Variants in MS4A15 observed in about 807,000 individuals in gnomAD.
The protein encoded by MS4A15 is membrane-spanning 4-domains subfamily A member 15.
A neutral mutation model predicts 20.6 loss-of-function variants in MS4A15; 22 were observed. The observed-to-expected ratio is 1.07, with a 90% CI of 0.76 to 1.52. The LOEUF is 1.52. Among genes scored for constraint, MS4A15 ranks in the 40% most tolerant of loss-of-function variants. The pLI, the probability that MS4A15 is intolerant of heterozygous loss-of-function variation, is 0.00. For synonymous variants in MS4A15, 129 were observed against 129.3 expected, an observed-to-expected ratio of 1.00 and a Z score of 0.02; for missense variants, 312 against 323.0, an observed-to-expected ratio of 0.97 and a Z score of 0.26.
chr11:60,760,342 C>G (rs1420233859), intron 1 of MS4A15, among the ~76,000 whole-genome samples: 1 of 152,196 alleles, frequency 6.6e-6, no homozygotes, highest in Admixed American at 6.5e-5. Context: ...AAAACTTATC[C>G]TGATTGCCAA....
chr11:60,775,487 G>T, intron 6 of MS4A15, 118 bp from the exon 7 acceptor site: 2 of 758,824 alleles, frequency 2.6e-6, no homozygotes, highest in Non-Finnish European at 4.4e-6. Context: ...ATGCGATTCA[G>T]ACTTGCGGAA....
Position 60,775,659 on chromosome 11 carries a change from G to A in MS4A15, c.667G>A (p.Ala223Thr). 6.2e-7 allele frequency: 1 copy of A among 1,613,852 alleles called. No homozygotes were observed. Among genetic ancestry groups the A allele is most frequent in the Non-Finnish European group, 8.5e-7 (1 of 1,179,874 alleles). ...FSADFNIPSPAASAPPAYDNV... is the reference protein window; with the variant it reads ...FSADFNIPSPTASAPPAYDNV... ...CGCAGACTTCAACATCCCCAGCCCG[G>A]CAGCCTCTGCGCCCCCTGCCTATGA... Residue 223 changes from alanine to threonine, a missense_variant, in exon 7 of 7, where the codon GCA becomes ACA. Coordinates refer to ENST00000405633, the MANE Select transcript of MS4A15 (RefSeq NM_001098835.2).
intron 6 of MS4A15, among the ~76,000 whole-genome samples, chr11:60,774,155 A>G (rs1415780911): frequency 1.3e-5 from 2 of 152,170 alleles, no homozygotes; most frequent in Non-Finnish European, 2.9e-5. Context: ...ACTCACACCC[A>G]TAACCCCAGC....
chr11:60,760,458 C>T lies in MS4A15; in HGVS notation c.-28-3248C>T, dbSNP rs188823407. 7.0e-3 allele frequency among the ~76,000 whole-genome samples: 1,035 copies of T among 147,610 alleles called. 16 individuals carry two copies. The highest frequency in any genetic ancestry group is 0.024 in the African/African-American group (995 of 40,832). On this transcript the variant is annotated intron_variant, in intron 1 of 6. Transcript: ENST00000405633. ...TGTTACTCAGTATCCACCCTTTGGA[C>T]GTTTTAAATCTCTCCATGTTACTGT...
Position 60,774,446 on chromosome 11 carries a change from G to A in MS4A15, c.612+496G>A, listed in dbSNP as rs189689623. Among the ~76,000 whole-genome samples the A allele has an allele frequency of 2.6e-5, 4 of 152,210 alleles. No individual in the cohort carries two copies. The East Asian group carries it at 5.8e-4, about 22-fold the overall frequency. ...CCAAAACAAAACCAAAGACGTCTTCGCAGGTCAGTGAAGACAGGACTGCTC... is the reference window on the plus strand; with the variant it reads ...CCAAAACAAAACCAAAGACGTCTTCACAGGTCAGTGAAGACAGGACTGCTC... On this transcript the variant is annotated intron_variant, in intron 6 of 6. Coordinates refer to ENST00000405633, the MANE Select transcript of MS4A15 (RefSeq NM_001098835.2).
intron 5 of MS4A15, 29 bp from the exon 6 acceptor site, chr11:60,773,808 C>T (rs1220406562): frequency 1.9e-6 from 3 of 1,591,842 alleles, no homozygotes; most frequent in Non-Finnish European, 2.6e-6. Flanking sequence ...GAACTCTGGG[C>T]TCACCTTTCT....
intron 5 of MS4A15, 134 bp downstream of exon 5, chr11:60,773,618 C>T: frequency 1.2e-6 from 1 of 824,564 alleles, no homozygotes; most frequent in Non-Finnish European, 2.0e-6. Flanking sequence ...CCCCATGAAT[C>T]CATGGATCCT....
chr11:60,775,541 C>T, intron 6 of MS4A15, 64 bp from the exon 7 acceptor site: 1 of 1,354,554 alleles, frequency 7.4e-7, no homozygotes, highest in South Asian at 1.2e-5. Flanking sequence ...CAAGGGGGCA[C>T]TATTGAACCA....
intron 1 of MS4A15, among the ~76,000 whole-genome samples, chr11:60,758,878 A>G (rs1400005643): frequency 6.6e-6 from 1 of 152,242 alleles, no homozygotes; most frequent in East Asian, 1.9e-4. Flanking sequence ...GCCATGCAAA[A>G]ATGGCAGCAC....
intron 1 of MS4A15, among the ~76,000 whole-genome samples, chr11:60,759,977 G>C (rs560880631): frequency 6.6e-6 from 1 of 152,104 alleles, no homozygotes; most frequent in African/African-American, 2.4e-5. Flanking sequence ...GCAGTTCCTC[G>C]CATGCTGAGT....
chr11:60,761,134 G>T (rs111246836), intron 1 of MS4A15, among the ~76,000 whole-genome samples: 141 of 152,288 alleles, frequency 9.3e-4, no homozygotes, highest in African/African-American at 3.3e-3. Context: ...GTCATCTAAT[G>T]ATACTTCTTG....
At position 60,767,634 on chromosome 11, in the gene MS4A15, C is replaced by T; in HGVS notation, c.327C>T (p.Val109=). 1.9e-6 allele frequency: 3 copies of T among 1,555,092 alleles called. No individual in the cohort carries two copies. Among genetic ancestry groups the T allele is most frequent in the South Asian group, 2.4e-5 (2 of 83,902 alleles). ...HVGIFFIEGG[V]PFWGGACFII... is the part of the protein sequence containing the mutation. ...GCATCTTCTTCATCGAGGGCGGCGT[C>T]CCCTTCTGGGGAGGAGCCTGCGTGA... The change falls in exon 3 of 7, where the codon GTC becomes GTT. Residue 109 remains valine, a synonymous_variant. Transcript: ENST00000405633.
At chr11:60,763,638 G>A (rs1454689836) in intron 1 of MS4A15, 68 bp from the exon 2 acceptor site, 65 of 1,325,302 alleles carry the variant, frequency 4.9e-5, no homozygotes, top group Admixed American at 7.1e-5. Flanking sequence ...AAGTAGGCAC[G>A]TTGCTTATCA....
At chr11:60,772,662 C>T (rs1393752068) in intron 4 of MS4A15, among the ~76,000 whole-genome samples, 1 of 152,178 alleles carries the variant, frequency 6.6e-6, no homozygotes, top group Non-Finnish European at 1.5e-5. Context: ...AGTCCCCAGC[C>T]CACCCATGAA....
chr11:60,772,778 A>G (rs1460801195), intron 4 of MS4A15, among the ~76,000 whole-genome samples: 1 of 151,922 alleles, frequency 6.6e-6, no homozygotes, highest in Non-Finnish European at 1.5e-5. Flanking sequence ...TGCCTGGACC[A>G]CCCCAGGAGT....
At chr11:60,769,864 A>G (rs946692703) in intron 3 of MS4A15, among the ~76,000 whole-genome samples, 26 of 152,110 alleles carry the variant, frequency 1.7e-4, no homozygotes, top group African/African-American at 6.3e-4. Flanking sequence ...ATGCTGAGCT[A>G]CACCTGCTTG....
At chr11:60,762,963 G>A (rs1853785437) in intron 1 of MS4A15, among the ~76,000 whole-genome samples, 1 of 152,148 alleles carries the variant, frequency 6.6e-6, no homozygotes, top group Non-Finnish European at 1.5e-5. Flanking sequence ...GGTGTCTCAT[G>A]ACCCTCAAAA....
chr11:60,757,860 C>T (rs567428936), intron 1 of MS4A15, among the ~76,000 whole-genome samples: 27 of 152,300 alleles, frequency 1.8e-4, no homozygotes, highest in African/African-American at 6.3e-4. Flanking sequence ...GACTCTGAGG[C>T]GCTTTTTGGC....
intron 1 of MS4A15, among the ~76,000 whole-genome samples, chr11:60,758,083 GT>G (rs1405872636): frequency 6.6e-6 from 1 of 152,192 alleles, no homozygotes; most frequent in Non-Finnish European, 1.5e-5. Flanking sequence ...AATATACTGT[GT>G]GGTGGAGTGA....
Sources: allele counts gnomAD v4.1 joint callset (sites outside exome capture counted in the v4.1 genomes callset), GRCh38; gene constraint gnomAD v4.1.1; transcripts MANE v1.5; gene names NCBI Gene and HGNC (gene_info 2026-07-23, HGNC 2026-07-21).